NAV3: variants seen among roughly 807,000 people sequenced by gnomAD.
NAV3 encodes the protein pore membrane and/or filament interacting like protein 1.
Under a neutral mutation model 244.7 loss-of-function variants are expected in NAV3, and 87 were observed. The ratio of observed to expected loss-of-function variants is 0.36; its 90% CI spans 0.30 to 0.42. The LOEUF (loss-of-function observed/expected upper bound fraction) is 0.42. NAV3 is among the 20% of genes least tolerant of loss of function. The probability of loss-of-function intolerance (pLI) is 1.00; values close to 1 mark genes in which losing one functional copy is unlikely to be tolerated. For missense variants in NAV3, 2,663 were observed against 2,893.3 expected (o/e 0.92, Z 1.83); for synonymous variants, 1,126 against 1,042.2 (o/e 1.08, Z -1.55).
At chr12:77,935,757 T>C (rs946470873) in intron 1 of NAV3, among the ~76,000 whole-genome samples, 4 of 152,160 alleles carry the variant, frequency 2.6e-5, no homozygotes, top group Non-Finnish European at 4.4e-5. Flanking sequence ...AAAGGTAGCA[T>C]GGCTGGGGAG....
At chr12:77,705,984 GT>G in intron 2 of NAV3, among the ~76,000 whole-genome samples, 1 of 151,380 alleles carries the variant, frequency 6.6e-6, no homozygotes, top group South Asian at 2.1e-4. Context: ...TTGTAGTTGT[GT>G]TTTTCCCTTC....
chr12:77,974,507 A>G (rs1893294822), intron 5 of NAV3, among the ~76,000 whole-genome samples: 1 of 151,148 alleles, frequency 6.6e-6, no homozygotes, highest in Admixed American at 6.6e-5. Flanking sequence ...CATGTTGGCC[A>G]TGGTGGTCTC....
chr12:77,765,990 C>G (rs1869731339), intron 2 of NAV3, among the ~76,000 whole-genome samples: 1 of 152,032 alleles, frequency 6.6e-6, no homozygotes, highest in South Asian at 2.1e-4. Flanking sequence ...AGATCTGTGT[C>G]AGTGGATGGG....
At chr12:78,140,175 T>C in intron 19 of NAV3, 107 bp from the exon 20 acceptor site, 2 of 885,322 alleles carry the variant, frequency 2.3e-6, no homozygotes, top group Non-Finnish European at 1.8e-6. Context: ...AGTTAGTTGT[T>C]ATTACTTAAT....
At position 78,054,196 on chromosome 12, in the gene NAV3, T is replaced by G. The variant is rs1883159892; in HGVS notation, c.2516+3049T>G. 1.3e-5 allele frequency among the ~76,000 whole-genome samples: 2 copies of G among 152,182 alleles called. 1 individual carries two copies. Among genetic ancestry groups the G allele is most frequent in the South Asian group, 4.1e-4 (2 of 4,834 alleles). Reference sequence around the variant, plus strand: ...AAGAGCTATAGACAAAGGAAATATATTTAAAATACATATATAAGAAAAGTA... The same window carrying G: ...AAGAGCTATAGACAAAGGAAATATAGTTAAAATACATATATAAGAAAAGTA... On this transcript the variant is annotated intron_variant, in intron 11 of 39. Transcript: ENST00000397909.
At chr12:77,578,373 G>A (rs1248212659) in intron 2 of NAV3, among the ~76,000 whole-genome samples, 2 of 152,110 alleles carry the variant, frequency 1.3e-5, no homozygotes, top group African/African-American at 4.8e-5. Context: ...TTAAGTTTTA[G>A]TTACTCACCA....
chr12:77,881,646 C>T (rs1417963374), intron 1 of NAV3, among the ~76,000 whole-genome samples: 1 of 152,018 alleles, frequency 6.6e-6, no homozygotes, highest in Non-Finnish European at 1.5e-5. Flanking sequence ...TGTCTTTCTT[C>T]CCTGACGATA....
chr12:78,127,463 TAAACAAAC>T (rs542102606), intron 17 of NAV3, among the ~76,000 whole-genome samples: 6 of 152,216 alleles, frequency 3.9e-5, no homozygotes, highest in African/African-American at 9.6e-5. Flanking sequence ...GAAATAATAC[TAAACAAAC>T]AAACAAACAA....
At chr12:77,749,497 C>T (rs776615699) in intron 2 of NAV3, among the ~76,000 whole-genome samples, 4 of 152,030 alleles carry the variant, frequency 2.6e-5, no homozygotes, top group Non-Finnish European at 5.9e-5. Context: ...TGATGGGTTG[C>T]ATCAAAATTA....
intron 30 of NAV3, among the ~76,000 whole-genome samples, chr12:78,185,257 T>C (rs1958662804): frequency 6.6e-6 from 1 of 151,876 alleles, no homozygotes; most frequent in African/African-American, 2.4e-5. Context: ...ATCAGATGGC[T>C]GTCAGTTTGT....
At chr12:78,167,325 G>A (rs551483408) in intron 23 of NAV3, among the ~76,000 whole-genome samples, 45 of 151,450 alleles carry the variant, frequency 3.0e-4, no homozygotes, top group Non-Finnish European at 5.8e-4. Context: ...AAATTTAGGC[G>A]GTTACTGTTG....
chr12:77,736,286 C>T lies in NAV3; in HGVS notation c.72+164020C>T, dbSNP rs147131494. On this transcript the variant is annotated intron_variant, in intron 2 of 8. Coordinates refer to the NAV3 transcript ENST00000550042. ...GGGCAATAGATACAAAAACCCTTTCCGGAGCCAGAAGCAAACTGTTTCAGT... is the reference window on the plus strand; with the variant it reads ...GGGCAATAGATACAAAAACCCTTTCTGGAGCCAGAAGCAAACTGTTTCAGT... 2.0e-3 allele frequency among the ~76,000 whole-genome samples: 309 copies of T among 152,302 alleles called. 4 individuals are homozygous for T. In the East Asian group the frequency reaches 0.045, roughly 22 times the overall value.
chr12:77,882,537 A>T (rs1423369699), intron 1 of NAV3, among the ~76,000 whole-genome samples: 2 of 152,158 alleles, frequency 1.3e-5, no homozygotes, highest in African/African-American at 4.8e-5. Flanking sequence ...ATTTCTGGCT[A>T]AGTCCCCAAA....
chr12:77,618,611 G>A (rs1344524905), intron 2 of NAV3, among the ~76,000 whole-genome samples: 1 of 152,142 alleles, frequency 6.6e-6, no homozygotes, highest in Non-Finnish European at 1.5e-5. Context: ...TTTGCAGTGT[G>A]TTTAACACGT....
chr12:77,797,249 G>A (rs566507773), intron 2 of NAV3, among the ~76,000 whole-genome samples: 1 of 152,240 alleles, frequency 6.6e-6, no homozygotes, highest in African/African-American at 2.4e-5. Flanking sequence ...CTGAAGCAAA[G>A]AGCTCAAATT....
intron 12 of NAV3, among the ~76,000 whole-genome samples, chr12:78,067,972 G>A (rs914162838): frequency 2.0e-5 from 3 of 151,764 alleles, no homozygotes; most frequent in Non-Finnish European, 4.4e-5. Flanking sequence ...AAGAAAAGGA[G>A]GAAAGGAGGA....
intron 5 of NAV3, among the ~76,000 whole-genome samples, chr12:77,976,891 A>G (rs1302965617): frequency 1.3e-5 from 2 of 151,540 alleles, no homozygotes; most frequent in Non-Finnish European, 2.9e-5. Flanking sequence ...GTTGGCAAGG[A>G]TGGTCTCGAT....
At chr12:77,880,377 T>A (rs537065944) in intron 1 of NAV3, among the ~76,000 whole-genome samples, 2 of 152,174 alleles carry the variant, frequency 1.3e-5, no homozygotes, top group African/African-American at 2.4e-5. Flanking sequence ...AGTAACTTCA[T>A]AGAGGCTCTA....
In NAV3 at chr12:78,050,098, A is replaced by T. The variant is rs1882509691; in HGVS notation, c.2129A>T (p.His710Leu). 2 of 1,600,370 alleles carry T rather than the reference A, an allele frequency of 1.2e-6. No individual in the cohort carries two copies. Among genetic ancestry groups the T allele is most frequent in the Non-Finnish European group, 1.7e-6 (2 of 1,175,384 alleles). The change falls in exon 10 of 40, where the codon CAC becomes CTC. Residue 710 changes from histidine (H) to leucine (L), a missense_variant. Transcript: ENST00000397909. Reference protein sequence around the residue: ...MSSLRGTQISHSTLETTFDST... With the variant: ...MSSLRGTQISLSTLETTFDST... Reference sequence around the variant, plus strand: ...AGTCTTCGTGGGACTCAGATAAGCCACAGGTTTTTTTCAATTTTGCATATA... The same window carrying T: ...AGTCTTCGTGGGACTCAGATAAGCCTCAGGTTTTTTTCAATTTTGCATATA...
Sources: gnomAD v4.1 joint callset for allele counts (sites outside exome capture counted in the v4.1 genomes callset) on GRCh38, gnomAD v4.1.1 for gene constraint, MANE v1.5 for transcripts, NCBI Gene and HGNC (gene_info 2026-07-23, HGNC 2026-07-21) for gene names.